Variants in POU6F2 observed in about 807,000 individuals in gnomAD.
POU6F2 encodes POU domain, class 6, transcription factor 2.
Under a neutral mutation model 71.3 loss-of-function variants are expected in POU6F2, and 31 were observed. The ratio of observed to expected loss-of-function variants is 0.43; its 90% confidence interval spans 0.33 to 0.59. The LOEUF (loss-of-function observed/expected upper bound fraction) is 0.59, where lower values mean the gene tolerates loss of function less well. POU6F2 is among the 20% of genes least tolerant of loss of function. The pLI, the probability that POU6F2 is intolerant of heterozygous loss-of-function variation, is 0.04. For synonymous variants in POU6F2, 347 were observed against 355.7 expected (o/e 0.98, Z 0.27); for missense variants, 783 against 856.8 (o/e 0.91, Z 1.07).
intron 4 of POU6F2, among the ~76,000 whole-genome samples, chr7:39,264,247 C>T (rs1240519045): frequency 1.3e-5 from 2 of 152,160 alleles, no homozygotes; most frequent in African/African-American, 2.4e-5. Context: ...AGAATGAGGC[C>T]TGGCATACAG....
chr7:39,445,017 C>A (rs1199062539), intron 7 of POU6F2, among the ~76,000 whole-genome samples: 1 of 152,198 alleles, frequency 6.6e-6, no homozygotes, highest in Admixed American at 6.5e-5. Context: ...AGACTACCAT[C>A]CATGAAGGCA....
chr7:39,433,172 G>A lies in POU6F2; in HGVS notation c.1209G>A (p.Gln403=). Residue 403 remains glutamine, a synonymous_variant, in exon 7 of 10, where the codon CAG becomes CAA. Coordinates refer to ENST00000518318, the MANE Select transcript of POU6F2 (RefSeq NM_001370959.1). ...QGLQVQPITP[Q]LLTNAQGQII... ...TGCAAGTGCAGCCAATCACCCCCCA[G>A]CTCCTCACAAACGCCCAGGGCCAGA... is the stretch of plus-strand genomic sequence containing the variant. 1 of 1,613,770 alleles carries A rather than the reference G, an allele frequency of 6.2e-7. No individual in the cohort carries two copies.
chr7:39,019,746 CA>C (rs1789638873), intron 1 of POU6F2, among the ~76,000 whole-genome samples: 1 of 149,764 alleles, frequency 6.7e-6, no homozygotes, highest in Non-Finnish European at 1.5e-5. Flanking sequence ...TTTGAATTTT[CA>C]AAAACCTTTG....
intron 4 of POU6F2, among the ~76,000 whole-genome samples, chr7:39,336,185 C>G (rs1785773872): frequency 6.6e-6 from 1 of 152,192 alleles, no homozygotes; most frequent in Admixed American, 6.5e-5. Context: ...TAACTATTAA[C>G]TAAATGTATG....
intron 4 of POU6F2, among the ~76,000 whole-genome samples, chr7:39,302,642 G>C (rs1784970830): frequency 6.6e-6 from 1 of 152,200 alleles, no homozygotes; most frequent in South Asian, 2.1e-4. Context: ...AAGTACATTT[G>C]TCTTGACTTG....
intron 1 of POU6F2, among the ~76,000 whole-genome samples, chr7:39,060,333 G>T (rs2128715901): frequency 6.6e-6 from 1 of 152,274 alleles, no homozygotes; most frequent in South Asian, 2.1e-4. Context: ...TGGGGTATGA[G>T]AAGATAATGG....
chr7:39,009,421 G>T (rs1309021907), intron 1 of POU6F2, among the ~76,000 whole-genome samples: 5 of 152,060 alleles, frequency 3.3e-5, no homozygotes, highest in African/African-American at 9.7e-5. Context: ...GGAGATTTTG[G>T]GCTGAGACAA....
intron 5 of POU6F2, among the ~76,000 whole-genome samples, chr7:39,366,336 T>G (rs1786500346): frequency 6.6e-6 from 1 of 152,026 alleles, no homozygotes; most frequent in Non-Finnish European, 1.5e-5. Context: ...ACCACAGTAT[T>G]GGAAGGAGAT....
intron 1 of POU6F2, among the ~76,000 whole-genome samples, chr7:38,979,616 G>A (rs1002253077): frequency 6.6e-5 from 10 of 152,186 alleles, no homozygotes; most frequent in South Asian, 4.1e-4. Context: ...ACTCACTGAC[G>A]AGCAAATATA....
chr7:39,017,603 C>A (rs922793990), intron 1 of POU6F2, among the ~76,000 whole-genome samples: 18 of 152,084 alleles, frequency 1.2e-4, no homozygotes. Context: ...TGAACTTCCC[C>A]ACCTCTCTGC....
chr7:39,399,189 C>G (rs917361217), intron 5 of POU6F2, among the ~76,000 whole-genome samples: 1 of 152,164 alleles, frequency 6.6e-6, no homozygotes, highest in African/African-American at 2.4e-5. Context: ...TGCTTCCTGG[C>G]CAGCTTATTT....
At chr7:39,305,070 C>G (rs1022505289) in intron 4 of POU6F2, among the ~76,000 whole-genome samples, 3 of 152,208 alleles carry the variant, frequency 2.0e-5, no homozygotes, top group African/African-American at 7.2e-5. Flanking sequence ...TACAAATTCA[C>G]AAGTTAACAT....
At chr7:39,392,363 C>T (rs1219895869) in intron 5 of POU6F2, among the ~76,000 whole-genome samples, 1 of 152,202 alleles carries the variant, frequency 6.6e-6, no homozygotes, top group Non-Finnish European at 1.5e-5. Context: ...GCATTTTTAA[C>T]AGTTCACAGG....
Position 39,206,995 on chromosome 7 carries a change from G to C in POU6F2, c.370-397G>C, listed in dbSNP as rs868614921. 6.6e-4 allele frequency among the ~76,000 whole-genome samples: 100 copies of C among 152,268 alleles called. No homozygotes were observed. In the Middle Eastern group the frequency reaches 0.01, roughly 16 times the overall value. ...TTTGTTAATTTAAAAGTCAAAAGTA[G>C]TATTTCGTTGCTCTTTTTGAATCAA... is the stretch of plus-strand genomic sequence containing the variant. On this transcript the variant is annotated intron_variant, in intron 3 of 9. Coordinates refer to ENST00000518318, the MANE Select transcript of POU6F2 (RefSeq NM_001370959.1).
intron 4 of POU6F2, among the ~76,000 whole-genome samples, chr7:39,236,831 A>C (rs1054836981): frequency 1.3e-5 from 2 of 152,228 alleles, no homozygotes; most frequent in African/African-American, 4.8e-5. Context: ...GTATCCTCTT[A>C]ACAAAAATTA....
At chr7:39,307,919 C>A (rs1785078189) in intron 4 of POU6F2, among the ~76,000 whole-genome samples, 1 of 151,104 alleles carries the variant, frequency 6.6e-6, no homozygotes, top group Non-Finnish European at 1.5e-5. Flanking sequence ...CGCGCCACTG[C>A]ACTCCAGCCT....
chr7:39,043,061 G>A (rs771724108), intron 1 of POU6F2, among the ~76,000 whole-genome samples: 4 of 151,854 alleles, frequency 2.6e-5, no homozygotes, highest in Non-Finnish European at 4.4e-5. Context: ...AAGGATAATG[G>A]GGGAGTGTTA....
chr7:39,324,059 G>C (rs1785456087), intron 4 of POU6F2, among the ~76,000 whole-genome samples: 1 of 143,034 alleles, frequency 7.0e-6, no homozygotes, highest in Non-Finnish European at 1.5e-5. Flanking sequence ...AGTGAGCCAA[G>C]ATAGCGCAAC....
chr7:39,238,237 G>A (rs752781437), intron 4 of POU6F2, among the ~76,000 whole-genome samples: 5 of 152,160 alleles, frequency 3.3e-5, no homozygotes, highest in Non-Finnish European at 7.4e-5. Context: ...GATAGTACTC[G>A]CCAAGTGGGC....
Sources: allele counts gnomAD v4.1 joint callset (sites outside exome capture counted in the v4.1 genomes callset), GRCh38; gene constraint gnomAD v4.1.1; transcripts MANE v1.5; gene names NCBI Gene and HGNC (gene_info 2026-07-23, HGNC 2026-07-21).